The following ZBTB21 variants were observed in gnomAD, a reference collection of about 807,000 sequenced individuals.
ZBTB21 encodes the protein zinc finger and BTB domain-containing protein 21.
In ZBTB21, 10 loss-of-function variants were observed where a neutral mutation model predicts 39.8. The ratio of observed to expected loss-of-function variants is 0.25; its 90% CI spans 0.16 to 0.43. The LOEUF is 0.43. Among genes scored for constraint, ZBTB21 ranks in the 20% least tolerant of loss-of-function variants. The pLI, the probability that ZBTB21 is intolerant of heterozygous loss-of-function variation, is 1.00. For synonymous variants in ZBTB21, 551 were observed against 498.8 expected (o/e 1.10, Z -1.40); for missense variants, 1,221 against 1,296.3 (o/e 0.94, Z 0.89).
intron 2 of ZBTB21, among the ~76,000 whole-genome samples, chr21:41,996,571 T>C (rs916826076): frequency 2.0e-5 from 3 of 152,334 alleles, no homozygotes; most frequent in South Asian, 2.1e-4. Flanking sequence ...CGGAAGGGAT[T>C]TGCTTTGTCT....
intron 2 of ZBTB21, 141 bp from the exon 3 acceptor site, chr21:41,994,249 C>G (rs1171431834): frequency 9.6e-6 from 6 of 622,676 alleles, no homozygotes; most frequent in Non-Finnish European, 1.3e-5. Context: ...TATGAATGAA[C>G]AATCTTATTT....
At chr21:41,996,789 C>G (rs1487112903) in intron 2 of ZBTB21, among the ~76,000 whole-genome samples, 1 of 152,206 alleles carries the variant, frequency 6.6e-6, no homozygotes, top group Non-Finnish European at 1.5e-5. Context: ...CTGGGAGGCA[C>G]CCAGTGGGAA....
intron 2 of ZBTB21, among the ~76,000 whole-genome samples, chr21:41,999,418 C>A (rs940760767): frequency 6.6e-6 from 1 of 152,094 alleles, no homozygotes; most frequent in Non-Finnish European, 1.5e-5. Flanking sequence ...CAAGCATGGA[C>A]TGGATTGAGA....
In ZBTB21 at chr21:41,992,154, C is replaced by T; in HGVS notation, c.1942G>A (p.Gly648Arg). The T allele has an allele frequency of 1.2e-6, 2 of 1,614,178 alleles. No individual in the cohort carries two copies. The highest frequency in any genetic ancestry group is 1.7e-6 in the Non-Finnish European group (2 of 1,180,038). Residue 648 changes from glycine (G) to arginine (R), a missense_variant, in exon 3 of 3, where the codon GGA becomes AGA. Around this residue, in one of 4 missense-constraint regions of ZBTB21, gnomAD observed 523 missense variants for 542.5 expected, o/e 0.96. Coordinates refer to ENST00000310826, the MANE Select transcript of ZBTB21 (RefSeq NM_001098402.2). This position sits in a 1 kb window ranked among gnomAD's most constrained non-coding sequence, Gnocchi z 4.1. ...TGCTGTGCTTGGGAGCTACTCTGTC[C>T]CTGAAAACCAGGCTTGCCGCGCCTT... ...KLRRGKPGFQ[G>R]QSSSQAQQVI... is the part of the protein sequence containing the mutation.
At chr21:42,005,577 C>T (rs1455711674) in intron 1 of ZBTB21, among the ~76,000 whole-genome samples, 2 of 152,196 alleles carry the variant, frequency 1.3e-5, no homozygotes, top group Admixed American at 1.3e-4. Flanking sequence ...CAGACAGTTT[C>T]TGTTCTTGTT....
At position 41,993,043 on chromosome 21, in the gene ZBTB21, A is replaced by C; in HGVS notation, c.1053T>G (p.Pro351=). ...TCAAATCTATGGAAGGTGAATAGAC[A>C]GGAACCTGGCTATCCATCGACAATG... The part of the protein sequence containing the change: ...RRSLSMDSQV[P]VYSPSIDLKS... The change falls in exon 3 of 3, where the codon CCT becomes CCG. Residue 351 remains proline, a synonymous_variant. Coordinates refer to ENST00000310826, the MANE Select transcript of ZBTB21 (RefSeq NM_001098402.2). 1 of 1,614,278 alleles carries C rather than the reference A, an allele frequency of 6.2e-7. No individual in the cohort carries two copies. The highest frequency in any genetic ancestry group is 1.3e-5 in the African/African-American group (1 of 75,068).
chr21:42,008,540 CAAAA>C (rs68176203), intron 1 of ZBTB21, among the ~76,000 whole-genome samples: 52 of 60,332 alleles, frequency 8.6e-4, no homozygotes, highest in African/African-American at 2.4e-3. Context: ...GAAACTCTGT[CAAAA>C]AAAAAAAAAA....
At chr21:42,002,216 T>A (rs1275687000) in intron 2 of ZBTB21, 2 of 152,172 alleles carry the variant, frequency 1.3e-5, no homozygotes, top group East Asian at 3.8e-4. Context: ...AGGCCCTTGT[T>A]TTTTTTACAT....
chr21:41,992,385 G>C lies in ZBTB21; in HGVS notation c.1711C>G (p.Pro571Ala). Residue 571 changes from proline to alanine, a missense_variant, in exon 3 of 3, where the codon CCA (proline) becomes GCA (alanine). Coordinates refer to ENST00000310826, the MANE Select transcript of ZBTB21 (RefSeq NM_001098402.2). The surrounding 1 kb of genome is among the most constrained non-coding windows in gnomAD (Gnocchi z 4.1). Reference protein sequence around the residue: ...LHRHVNMYHNPEKPYACDICH... With the variant: ...LHRHVNMYHNAEKPYACDICH... ...ATGTCACAAGCGTAGGGCTTTTCTGGGTTATGGTACATGTTAACATGACGG... is the reference window on the plus strand; with the variant it reads ...ATGTCACAAGCGTAGGGCTTTTCTGCGTTATGGTACATGTTAACATGACGG... 6.2e-7 allele frequency: 1 copy of C among 1,614,132 alleles called. No individual in the cohort carries two copies. The highest frequency in any genetic ancestry group is 2.2e-5 in the East Asian group (1 of 44,888).
chr21:41,993,889 TAC>T lies in ZBTB21; in HGVS notation c.205_206del (p.Val69IlefsTer4). 1.2e-6 allele frequency: 2 copies of T among 1,614,030 alleles called. No homozygotes were observed. Among genetic ancestry groups the T allele is most frequent in the Non-Finnish European group, 1.7e-6 (2 of 1,179,938 alleles). The stretch of plus-strand genomic sequence containing the variant: ...CTGGCTCACAGAAGTCAAGCTGAAA[TAC>T]AGTTTGTGACTCATTTTCCTTATTT... ...FTNKENESQT[V>X]FQLDFCEPDA... On this transcript the variant is annotated frameshift_variant, in exon 3 of 3. Transcript: ENST00000310826. LOFTEE classifies it low-confidence loss of function (END_TRUNC).
Position 42,003,534 on chromosome 21 carries a change from G to A in ZBTB21, c.-78-573C>T, listed in dbSNP as rs1267222187. On this transcript the variant is annotated intron_variant, in intron 1 of 2. Transcript: ENST00000310826. ...AGTGAATAGTCCTAAGGAAGGCTTG[G>A]GACTCATCACTCCTTTGACAATTAT... Among the ~76,000 whole-genome samples the A allele has an allele frequency of 3.8e-4, 58 of 152,010 alleles. 1 individual carries two copies. The highest frequency in any genetic ancestry group is 2.9e-5 in the Non-Finnish European group (2 of 68,014).
At chr21:42,002,236 A>G (rs2065826610) in intron 2 of ZBTB21, 2 of 152,276 alleles carry the variant, frequency 1.3e-5, no homozygotes, top group South Asian at 2.1e-4. Context: ...TTTTAATTCA[A>G]TTATTAAGTT....
intron 1 of ZBTB21, 124 bp from the exon 2 acceptor site, chr21:42,003,085 T>C (rs1432468729): frequency 6.6e-6 from 1 of 152,280 alleles, no homozygotes; most frequent in Non-Finnish European, 1.5e-5. Flanking sequence ...CTATTAGGCA[T>C]GGAACCTTCT....
intron 2 of ZBTB21, among the ~76,000 whole-genome samples, chr21:41,996,656 G>A (rs891252650): frequency 4.6e-5 from 7 of 152,214 alleles, no homozygotes; most frequent in South Asian, 2.1e-4. Flanking sequence ...TGTTGGGAAC[G>A]CATGATTGGT....
intron 2 of ZBTB21, among the ~76,000 whole-genome samples, chr21:41,998,486 T>C (rs1380015519): frequency 1.3e-5 from 2 of 152,248 alleles, no homozygotes; most frequent in Admixed American, 6.5e-5. Flanking sequence ...CCACCACAGC[T>C]GGCTCATCCC....
rs372053446 is a variant in ZBTB21, at chr21:41,991,424, G to A, written c.2672C>T (p.Pro891Leu). ...TTCTTTGGGGGCTGTGCTGGCCTCG[G>A]GTGCCTCTTCTTCAGCCTCCTCCAC... The part of the protein sequence containing the change: ...EPVEEAEEEA[P>L]EASTAPKEAG... The change falls in exon 3 of 3, where the codon CCC becomes CTC. Residue 891 changes from proline (P) to leucine (L), a missense_variant. Physicochemically the swap from Pro to Leu is moderately conservative, Grantham distance 98. Around this residue, in one of 4 missense-constraint regions of ZBTB21, gnomAD observed 523 missense variants for 542.5 expected, o/e 0.96. Coordinates refer to ENST00000310826, the MANE Select transcript of ZBTB21 (RefSeq NM_001098402.2). The surrounding 1 kb of genome is among the most constrained non-coding windows in gnomAD (Gnocchi z 4.9). 1.4e-4 allele frequency: 226 copies of A among 1,611,886 alleles called. No individual in the cohort carries two copies. Among genetic ancestry groups the A allele is most frequent in the Non-Finnish European group, 1.8e-4 (218 of 1,179,342 alleles).
Position 41,993,948 on chromosome 21 carries a change from C to A in ZBTB21, c.148G>T (p.Ala50Ser). 1 of 1,614,288 alleles carries A rather than the reference C, an allele frequency of 6.2e-7. No homozygotes were observed. Among genetic ancestry groups the A allele is most frequent in the Non-Finnish European group, 8.5e-7 (1 of 1,180,058 alleles). Reference protein sequence around the residue: ...KFRAHKNVLAASSEYFQSLFT... With the variant: ...KFRAHKNVLASSSEYFQSLFT... ...AAACTCTGAAAGTATTCGCTGCTGG[C>A]AGCCAAGACGTTTTTATGAGCTCGG... Residue 50 changes from alanine to serine, a missense_variant, in exon 3 of 3, where the codon GCC becomes TCC. Ala to Ser is a moderately conservative substitution (Grantham distance 99, BLOSUM62 1). Transcript: ENST00000310826.
In ZBTB21 at chr21:41,991,787, C is replaced by T; in HGVS notation, c.2309G>A (p.Cys770Tyr). 6.2e-7 allele frequency: 1 copy of T among 1,614,238 alleles called. No homozygotes were observed. The highest frequency in any genetic ancestry group is 8.5e-7 in the Non-Finnish European group (1 of 1,180,044). ...PELKQEHESK[C>Y]EYKKLTCLEC... ...GAGGCAGGTCAGCTTCTTATACTCACACTTGCTCTCGTGTTCTTGCTTCAG... is the reference window on the plus strand; with the variant it reads ...GAGGCAGGTCAGCTTCTTATACTCATACTTGCTCTCGTGTTCTTGCTTCAG... The change falls in exon 3 of 3, where the codon TGT (cysteine) becomes TAT (tyrosine). Residue 770 changes from cysteine to tyrosine, a missense_variant. Cys to Tyr is a radical substitution (Grantham distance 194, BLOSUM62 -2). Coordinates refer to ENST00000310826, the MANE Select transcript of ZBTB21 (RefSeq NM_001098402.2). The surrounding 1 kb of genome is among the most constrained non-coding windows in gnomAD (Gnocchi z 4.9).
chr21:42,010,328 C>A lies in ZBTB21; in HGVS notation c.-155G>T. ...TCGCGCGCGCCGCAGCCGCCGCTGC[C>A]GCTGTGATTCCATCCATCTTGAATT... is the stretch of plus-strand genomic sequence containing the variant. On this transcript the variant is annotated 5_prime_UTR_variant, in exon 1 of 3. Coordinates refer to ENST00000310826, the MANE Select transcript of ZBTB21 (RefSeq NM_001098402.2). The A allele has an allele frequency of 5.0e-6, 2 of 397,628 alleles. No individual in the cohort carries two copies. The highest frequency in any genetic ancestry group is 1.3e-4 in the South Asian group (1 of 7,848). The allele number at this position is 397,628 out of a possible 1,614,324, so 24.6% of individuals were successfully genotyped here. A position where few individuals can be genotyped will look rare whatever the true frequency, so the allele number is the denominator to read the frequency against.
Sources: allele counts gnomAD v4.1 joint callset (sites outside exome capture counted in the v4.1 genomes callset), GRCh38; gene constraint gnomAD v4.1.1; regional missense constraint gnomAD v4.1.1; non-coding constraint Gnocchi (gnomAD v3.1); transcripts MANE v1.5; gene names NCBI Gene and HGNC (gene_info 2026-07-23, HGNC 2026-07-21).